SVBP: variants seen among roughly 807,000 people sequenced by gnomAD.
SVBP encodes small vasohibin binding protein, also known as small vasohibin-binding protein.
A neutral mutation model predicts 9.2 loss-of-function variants in SVBP; 9 were observed. The ratio of observed to expected loss-of-function variants is 0.98; its 90% CI spans 0.59 to 1.71. SVBP has a LOEUF of 1.71. SVBP is among the 40% of genes most tolerant of loss of function. The pLI is 0.00. For synonymous variants in SVBP, 27 were observed against 23.9 expected (o/e 1.13, Z -0.37); for missense variants, 63 against 73.2 (o/e 0.86, Z 0.51).
chr1:42,808,137 G>GTATA (rs1557597331), intron 2 of SVBP, among the ~76,000 whole-genome samples: 1 of 36,084 alleles, frequency 2.8e-5, no homozygotes, highest in African/African-American at 1.5e-4. Flanking sequence ...TGAATATAGT[G>GTATA]TGTGTGTGTG....
At chr1:42,807,640 A>C in intron 2 of SVBP, 140 bp from the exon 3 acceptor site, 1 of 628,288 alleles carries the variant, frequency 1.6e-6, no homozygotes, top group Non-Finnish European at 2.8e-6. Flanking sequence ...TGGGAATAGG[A>C]AAGTTAGATA....
At chr1:42,816,684 T>G in intron 1 of SVBP, 104 bp from the exon 2 acceptor site, 1 of 618,696 alleles carries the variant, frequency 1.6e-6, no homozygotes, top group Non-Finnish European at 2.8e-6. Flanking sequence ...CTTTGCCAGG[T>G]GAGGCAGAGT....
At position 42,807,197 on chromosome 1, in the gene SVBP, T is replaced by C. The variant is rs1271915188; in HGVS notation, c.*217A>G. On this transcript the variant is annotated 3_prime_UTR_variant, in exon 3 of 3. Coordinates refer to ENST00000372521, the MANE Select transcript of SVBP (RefSeq NM_199342.4). ...AAAAACCCAAAAAACAAAACCACTGTCTTAGAAGAAGAAAACAAGTCTCTT... is the reference window on the plus strand; with the variant it reads ...AAAAACCCAAAAAACAAAACCACTGCCTTAGAAGAAGAAAACAAGTCTCTT... The C allele has an allele frequency of 1.7e-5, 6 of 361,692 alleles. No homozygotes were observed. The highest frequency in any genetic ancestry group is 3.0e-5 in the Non-Finnish European group (6 of 202,620). The allele number at this position is 361,692 out of a possible 1,614,324, so 22.4% of individuals were successfully genotyped here. A position where few individuals can be genotyped will look rare whatever the true frequency, so the allele number is the denominator to read the frequency against.
intron 2 of SVBP, among the ~76,000 whole-genome samples, chr1:42,814,630 C>T (rs1570518166): frequency 6.6e-6 from 1 of 151,724 alleles, no homozygotes; most frequent in Non-Finnish European, 1.5e-5. Context: ...AAAAAAGAGA[C>T]TCACCATCAG....
chr1:42,811,653 G>A (rs1435729902), intron 2 of SVBP, among the ~76,000 whole-genome samples: 3 of 152,174 alleles, frequency 2.0e-5, no homozygotes, highest in Admixed American at 6.5e-5. Flanking sequence ...GGCTTTACAC[G>A]TGGTATTTCT....
chr1:42,817,170 A>G lies in SVBP; in HGVS notation c.-37+20T>C, dbSNP rs1306329217. Reference sequence around the variant, plus strand: ...TGGCGGTCGCTGGAGCCGCCGACCAAGAGGCTTGGGAGTCTGTACCTTTCC... The same window carrying G: ...TGGCGGTCGCTGGAGCCGCCGACCAGGAGGCTTGGGAGTCTGTACCTTTCC... On this transcript the variant is annotated intron_variant, in intron 1 of 2. Coordinates refer to ENST00000372521, the MANE Select transcript of SVBP (RefSeq NM_199342.4). 1 of 1,210,358 alleles carries G rather than the reference A, an allele frequency of 8.3e-7. No homozygotes were observed. The highest frequency in any genetic ancestry group is 1.1e-6 in the Non-Finnish European group (1 of 947,538). 75.0% of individuals were successfully genotyped at this position (1,210,358 alleles called of 1,614,324 possible).
In SVBP at chr1:42,807,417, T is replaced by C. The variant is rs1206550838; in HGVS notation, c.198A>G (p.Glu66=). The change falls in exon 3 of 3, where the codon GAA becomes GAG. Residue 66 remains glutamate, a synonymous_variant. Coordinates refer to ENST00000372521, the MANE Select transcript of SVBP (RefSeq NM_199342.4). ...CATCTGGTTTGAACCTGGGGCCTCA[T>C]TCTCCAGGAGGCTGCATCTGTTTAC... is the stretch of plus-strand genomic sequence containing the variant. ...EFCKQMQPPG[E] 2 of 1,613,332 alleles carry C rather than the reference T, an allele frequency of 1.2e-6. No individual in the cohort carries two copies. The highest frequency in any genetic ancestry group is 2.2e-5 in the East Asian group (1 of 44,858).
At position 42,817,239 on chromosome 1, in the gene SVBP, AACG is replaced by A. The variant is rs1654248311; in HGVS notation, c.-89_-87del. ...TTGGAGCCTCCGCCGAGTCGCAGAC[AACG>A]CCTCCGGGAGGGTAATCCTCGCCTT... On this transcript the variant is annotated 5_prime_UTR_variant, in exon 1 of 3. Coordinates refer to ENST00000372521, the MANE Select transcript of SVBP (RefSeq NM_199342.4). The A allele has an allele frequency of 8.0e-7, 1 of 1,255,042 alleles. No individual in the cohort carries two copies. Among genetic ancestry groups the A allele is most frequent in the Admixed American group, 2.5e-5 (1 of 39,224 alleles). The allele number at this position is 1,255,042 out of a possible 1,614,324, so 77.7% of individuals were successfully genotyped here.
chr1:42,816,522 T>TC lies in SVBP; in HGVS notation c.22dup (p.Glu8GlyfsTer6). 1 of 1,614,084 alleles carries TC rather than the reference T, an allele frequency of 6.2e-7. No individual in the cohort carries two copies. Among genetic ancestry groups the TC allele is most frequent in the Non-Finnish European group, 8.5e-7 (1 of 1,179,890 alleles). On this transcript the variant is annotated frameshift_variant, in exon 2 of 3. Coordinates refer to ENST00000372521, the MANE Select transcript of SVBP (RefSeq NM_199342.4). LOFTEE classifies it high-confidence loss of function. ...GACAGATTCTTTAACTTTGGTTTTT[T>TC]CTTTACGTGCAGGTGGATCCATGGC...
rs971027965 is a variant in SVBP at position 42,816,529 on chromosome 1, G to C, written c.16C>G (p.Arg6Gly). The change falls in exon 2 of 3, where the codon CGT (arginine) becomes GGT (glycine). Residue 6 changes from arginine to glycine, a missense_variant. Physicochemically the swap from Arg to Gly is moderately radical, Grantham distance 125. Transcript: ENST00000372521. MDPPA[R>G]KEKTKVKESV... Reference sequence around the variant, plus strand: ...TCTTTAACTTTGGTTTTTTCTTTACGTGCAGGTGGATCCATGGCTTGACTT... The same window carrying C: ...TCTTTAACTTTGGTTTTTTCTTTACCTGCAGGTGGATCCATGGCTTGACTT... The C allele has an allele frequency of 3.1e-6, 5 of 1,613,336 alleles. No individual in the cohort carries two copies. The highest frequency in any genetic ancestry group is 3.4e-6 in the Non-Finnish European group (4 of 1,179,440).
rs11554141 is a variant in SVBP at position 42,807,360 on chromosome 1, C to T, written c.*54G>A. ...CCAAATGGGCCATCTCAGCTTAAAA[C>T]TGGCAACACCCTCTCAAAGCTCTCA... On this transcript the variant is annotated 3_prime_UTR_variant, in exon 3 of 3. Transcript: ENST00000372521. The T allele has an allele frequency of 1.5e-6, 2 of 1,351,620 alleles. No homozygotes were observed. The highest frequency in any genetic ancestry group is 2.9e-5 in the African/African-American group (2 of 69,640). The allele number at this position is 1,351,620 out of a possible 1,614,324, so 83.7% of individuals were successfully genotyped here.
intron 2 of SVBP, among the ~76,000 whole-genome samples, chr1:42,814,090 CT>C (rs548637240): frequency 3.5e-5 from 5 of 144,500 alleles, no homozygotes; most frequent in Admixed American, 6.8e-5. Context: ...AGTTCTTTTT[CT>C]TTTTTTTTTG....
intron 2 of SVBP, among the ~76,000 whole-genome samples, chr1:42,808,159 A>G (rs1162150009): frequency 8.5e-6 from 1 of 118,148 alleles, no homozygotes; most frequent in Non-Finnish European, 1.6e-5. Context: ...GTATATATAT[A>G]TATATATATA....
chr1:42,810,769 G>A (rs186998021), intron 2 of SVBP, among the ~76,000 whole-genome samples: 31 of 152,160 alleles, frequency 2.0e-4, no homozygotes, highest in African/African-American at 6.7e-4. Context: ...GGAATCTGGC[G>A]TCTGCAGAAT....
chr1:42,813,709 G>T, intron 2 of SVBP: 1 of 532,902 alleles, frequency 1.9e-6, no homozygotes, highest in South Asian at 1.4e-5. Context: ...TTCCTCCAGT[G>T]AGAGCTCCCT....
chr1:42,809,396 G>A (rs1654032251), intron 2 of SVBP, among the ~76,000 whole-genome samples: 2 of 151,908 alleles, frequency 1.3e-5, no homozygotes, highest in South Asian at 4.2e-4. Context: ...CAATAGAGAG[G>A]ATCACCAAGA....
chr1:42,808,147 GTGTATATATATATATA>G (rs1282649461), intron 2 of SVBP, among the ~76,000 whole-genome samples: 7 of 53,912 alleles, frequency 1.3e-4, no homozygotes, highest in African/African-American at 5.6e-4. Context: ...GTGTGTGTGT[GTGTATATATATATATA>G]TATATATATA....
At position 42,808,149 on chromosome 1, in the gene SVBP, GTATATATA is replaced by G. The variant is rs781743959; in HGVS notation, c.115-657_115-650del. On this transcript the variant is annotated intron_variant, in intron 2 of 2. Transcript: ENST00000372521. ...ATGTGAATATAGTGTGTGTGTGTGT[GTATATATA>G]TATATATATATATATATATATACAT... Among the ~76,000 whole-genome samples the G allele has an allele frequency of 2.0e-3, 115 of 58,320 alleles. 1 individual carries two copies. The highest frequency in any genetic ancestry group is 4.7e-3 in the Admixed American group (23 of 4,852). 38.3% of individuals were successfully genotyped at this position (58,320 alleles called of 152,430 possible).
In SVBP at chr1:42,808,149, GTATATA is replaced by G. The variant is rs781743959; in HGVS notation, c.115-655_115-650del. The stretch of plus-strand genomic sequence containing the variant: ...ATGTGAATATAGTGTGTGTGTGTGT[GTATATA>G]TATATATATATATATATATATATAC... On this transcript the variant is annotated intron_variant, in intron 2 of 2. Coordinates refer to ENST00000372521, the MANE Select transcript of SVBP (RefSeq NM_199342.4). Among the ~76,000 whole-genome samples the G allele has an allele frequency of 5.8e-4, 34 of 58,318 alleles. 1 individual carries two copies. The highest frequency in any genetic ancestry group is 2.9e-3 in the East Asian group (4 of 1,370). 38.3% of individuals were successfully genotyped at this position (58,318 alleles called of 152,430 possible).
Sources: allele counts gnomAD v4.1 joint callset (sites outside exome capture counted in the v4.1 genomes callset), GRCh38; gene constraint gnomAD v4.1.1; transcripts MANE v1.5; gene names NCBI Gene and HGNC (gene_info 2026-07-23, HGNC 2026-07-21).